NT5DC1: variants seen among roughly 807,000 people sequenced by gnomAD.
NT5DC1 encodes 5'-nucleotidase domain-containing protein 1.
Under a neutral mutation model 59.4 loss-of-function variants are expected in NT5DC1, and 42 were observed. The observed-to-expected ratio is 0.71, with a 90% confidence interval of 0.55 to 0.92. The LOEUF is 0.92. Among genes scored for constraint, NT5DC1 ranks in the 40% least tolerant of loss-of-function variants. The pLI, the probability that NT5DC1 is intolerant of heterozygous loss-of-function variation, is 0.00. For synonymous variants in NT5DC1, 172 were observed against 188.1 expected (o/e 0.91, Z 0.70); for missense variants, 501 against 537.1 (o/e 0.93, Z 0.66).
rs759542606 is a variant in NT5DC1, at chr6:116,120,146, G to T, written c.529+2201G>T. ...AGAGGAGTATAGGCCATTTGACTCGGCATTGGGAAGCTGGAGCCACACCTG... is the reference window on the plus strand; with the variant it reads ...AGAGGAGTATAGGCCATTTGACTCGTCATTGGGAAGCTGGAGCCACACCTG... On this transcript the variant is annotated intron_variant, in intron 6 of 11. Transcript: ENST00000319550. 24 of 1,613,988 alleles carry T rather than the reference G, an allele frequency of 1.5e-5. No homozygotes were observed. The highest frequency in any genetic ancestry group is 1.9e-5 in the Non-Finnish European group (22 of 1,180,026).
chr6:116,110,673 A>C (rs189034129), intron 3 of NT5DC1, 177 bp from the exon 4 acceptor site: 11 of 687,046 alleles, frequency 1.6e-5, no homozygotes, highest in African/African-American at 1.2e-4. Context: ...TAAGTGCTAC[A>C]GCTGCCCACA....
At chr6:116,126,305 A>G (rs1779308084) in intron 6 of NT5DC1, among the ~76,000 whole-genome samples, 1 of 152,124 alleles carries the variant, frequency 6.6e-6, no homozygotes. Context: ...TTTCTTATTT[A>G]AAAATAAACC....
rs1779280609 is a variant in NT5DC1 at position 116,125,675 on chromosome 6, A to AT, written c.529+7731dup. The AT allele has an allele frequency of 7.2e-6, 4 of 552,122 alleles. No individual in the cohort carries two copies. In the South Asian group the frequency reaches 8.7e-5, roughly 12 times the overall value. The allele number at this position is 552,122 out of a possible 1,614,324, so 34.2% of individuals were successfully genotyped here. A position where few individuals can be genotyped will look rare whatever the true frequency, so the allele number is the denominator to read the frequency against. ...GAGAGATCATTTTTTAGTTATGTGA[A>AT]TATATGTCTTAGTTATTTTTGGAAG... On this transcript the variant is annotated intron_variant, in intron 6 of 11. Coordinates refer to ENST00000319550, the MANE Select transcript of NT5DC1 (RefSeq NM_152729.3).
intron 1 of NT5DC1, among the ~76,000 whole-genome samples, chr6:116,104,748 G>A (rs1778736175): frequency 6.6e-6 from 1 of 152,202 alleles, no homozygotes; most frequent in Non-Finnish European, 1.5e-5. Context: ...TAGCCCTGCA[G>A]CACTGGTTTC....
rs574461446 is a variant in NT5DC1, at chr6:116,153,438, T to C, written c.529+35493T>C. ...AGTTATCTTTAAGCATAGTGTTTTATAGAGTCTCTATTCCACTGGAGTTCA... is the reference window on the plus strand; with the variant it reads ...AGTTATCTTTAAGCATAGTGTTTTACAGAGTCTCTATTCCACTGGAGTTCA... On this transcript the variant is annotated intron_variant, in intron 6 of 11. Transcript: ENST00000319550. Among the ~76,000 whole-genome samples the C allele has an allele frequency of 5.9e-5, 9 of 152,268 alleles. No individual in the cohort carries two copies. The South Asian group carries it at 8.3e-4, about 14-fold the overall frequency.
intron 6 of NT5DC1, among the ~76,000 whole-genome samples, chr6:116,216,114 AG>A (rs941144116): frequency 2.0e-4 from 31 of 152,274 alleles, no homozygotes; most frequent in African/African-American, 7.2e-4. Flanking sequence ...ATAGTGTAAG[AG>A]TAAACACTTT....
chr6:116,206,731 T>G (rs1781460187), intron 6 of NT5DC1, among the ~76,000 whole-genome samples: 1 of 152,028 alleles, frequency 6.6e-6, no homozygotes, highest in African/African-American at 2.4e-5. Context: ...TTTTGATGTT[T>G]TAAATGGATT....
intron 6 of NT5DC1, among the ~76,000 whole-genome samples, chr6:116,197,762 A>G (rs1038734216): frequency 2.6e-5 from 4 of 152,244 alleles, no homozygotes; most frequent in East Asian, 1.9e-4. Flanking sequence ...GAGATAATGT[A>G]TAAAGAACTT....
chr6:116,210,160 A>G (rs576674035), intron 6 of NT5DC1, among the ~76,000 whole-genome samples: 1 of 152,146 alleles, frequency 6.6e-6, no homozygotes, highest in South Asian at 2.1e-4. Context: ...GCAGAAATCT[A>G]ATTTGGTGTT....
At chr6:116,116,581 G>A (rs1285766108) in intron 5 of NT5DC1, among the ~76,000 whole-genome samples, 1 of 152,166 alleles carries the variant, frequency 6.6e-6, no homozygotes, top group East Asian at 1.9e-4. Context: ...GGCAGATGTT[G>A]CAGTGAGCCG....
chr6:116,235,035 G>GTTTT (rs60150533), intron 8 of NT5DC1, among the ~76,000 whole-genome samples: 2 of 131,830 alleles, frequency 1.5e-5, no homozygotes, highest in South Asian at 2.4e-4. Context: ...CTTGATTTGG[G>GTTTT]TTTTTTTTTT....
At chr6:116,169,279 T>C (rs748719601) in intron 6 of NT5DC1, among the ~76,000 whole-genome samples, 2 of 152,222 alleles carry the variant, frequency 1.3e-5, no homozygotes, top group Non-Finnish European at 2.9e-5. Context: ...TTTCTAGTTA[T>C]CCTCAGTTAG....
At chr6:116,152,715 G>A (rs1780077195) in intron 6 of NT5DC1, among the ~76,000 whole-genome samples, 1 of 151,982 alleles carries the variant, frequency 6.6e-6, no homozygotes, top group South Asian at 2.1e-4. Context: ...TCTTTTTACA[G>A]CCATACTTCT....
Position 116,222,087 on chromosome 6 carries a change from C to A in NT5DC1, c.704+859C>A, listed in dbSNP as rs1170671379. 3.3e-5 allele frequency among the ~76,000 whole-genome samples: 5 copies of A among 152,160 alleles called. No homozygotes were observed. The East Asian group carries it at 9.6e-4, about 29-fold the overall frequency. On this transcript the variant is annotated intron_variant, in intron 7 of 11. Transcript: ENST00000319550. ...TTTTAGCATCATGATTTCCATGTTC[C>A]TTAGCATGTGTGGCTTTAGTTTCTT...
chr6:116,210,918 G>T (rs1469566378), intron 6 of NT5DC1, among the ~76,000 whole-genome samples: 1 of 151,964 alleles, frequency 6.6e-6, no homozygotes, highest in Non-Finnish European at 1.5e-5. Context: ...AGTCTACAAA[G>T]ATAGCTCTCT....
chr6:116,110,604 A>C, intron 3 of NT5DC1: 1 of 579,508 alleles, frequency 1.7e-6, no homozygotes, highest in Non-Finnish European at 3.1e-6. Flanking sequence ...TATCTTATCC[A>C]GTGTTGACCT....
At chr6:116,178,090 C>T (rs9384972) in intron 6 of NT5DC1, among the ~76,000 whole-genome samples, 63,932 of 102,006 alleles carry the variant, frequency 0.63, 16,277 homozygotes, top group Non-Finnish European at 0.68. Flanking sequence ...TGTGTGTGTG[C>T]GCGCGCGCGC....
intron 6 of NT5DC1, among the ~76,000 whole-genome samples, chr6:116,171,732 G>A (rs1780611042): frequency 6.6e-6 from 1 of 152,102 alleles, no homozygotes; most frequent in Admixed American, 6.6e-5. Flanking sequence ...AGTTTTTACG[G>A]TTTTCTCCCA....
chr6:116,154,049 A>ATTT (rs1780120071), intron 6 of NT5DC1, among the ~76,000 whole-genome samples: 1 of 126,086 alleles, frequency 7.9e-6, no homozygotes, highest in African/African-American at 3.0e-5. Flanking sequence ...TTTTTTTTTG[A>ATTT]GACAGAGTCT....
Sources: gnomAD v4.1 joint callset for allele counts (sites outside exome capture counted in the v4.1 genomes callset) on GRCh38, gnomAD v4.1.1 for gene constraint, MANE v1.5 for transcripts, NCBI Gene and HGNC (gene_info 2026-07-23, HGNC 2026-07-21) for gene names.